FGF6: variants seen among roughly 807,000 people sequenced by gnomAD.
The protein encoded by FGF6 is fibroblast growth factor 6.
Under a neutral mutation model 18.4 loss-of-function variants are expected in FGF6, and 14 were observed. That is an observed-to-expected ratio of 0.76 (90% CI 0.50 to 1.19). The LOEUF (loss-of-function observed/expected upper bound fraction) is 1.19. Ranked by LOEUF, FGF6 falls within the 50% of genes most tolerant of loss-of-function variation. FGF6 has a pLI of 0.00. For missense variants in FGF6, 266 were observed against 271.6 expected (o/e 0.98, Z 0.15); for synonymous variants, 125 against 116.7 (o/e 1.07, Z -0.46).
intron 2 of FGF6, 96 bp from the exon 3 acceptor site, chr12:4,434,487 T>C (rs1245274392): frequency 1.8e-6 from 2 of 1,142,124 alleles, no homozygotes; most frequent in Non-Finnish European, 2.6e-6. Context: ...CTCTGCCAGG[T>C]GCCCTTCCCT....
chr12:4,439,160 A>G (rs1181459833), intron 2 of FGF6, among the ~76,000 whole-genome samples: 1 of 152,130 alleles, frequency 6.6e-6, no homozygotes, highest in Non-Finnish European at 1.5e-5. Context: ...TACGTAAATT[A>G]TTTAAAGTGG....
rs558745419 is a variant in FGF6 at position 4,437,650 on chromosome 12, C to A, written c.451-3259G>T. On this transcript the variant is annotated intron_variant, in intron 2 of 2. Coordinates refer to ENST00000228837, the MANE Select transcript of FGF6 (RefSeq NM_020996.3). ...CATAGAGTCCAGCAGTAGATCCCAACACATACATGGATGTAAAATGAAATT... is the reference window on the plus strand; with the variant it reads ...CATAGAGTCCAGCAGTAGATCCCAAAACATACATGGATGTAAAATGAAATT... 3.8e-4 allele frequency among the ~76,000 whole-genome samples: 58 copies of A among 152,248 alleles called. 1 individual carries two copies. The highest frequency in any genetic ancestry group is 1.3e-3 in the African/African-American group (54 of 41,522).
At chr12:4,444,086 G>T in intron 2 of FGF6, 47 bp downstream of exon 2, 1 of 1,191,558 alleles carries the variant, frequency 8.4e-7, no homozygotes, top group Non-Finnish European at 1.2e-6. Flanking sequence ...AACTGTGTAA[G>T]CATCAAGCCT....
At chr12:4,440,885 C>G (rs1297609791) in intron 2 of FGF6, among the ~76,000 whole-genome samples, 1 of 151,624 alleles carries the variant, frequency 6.6e-6, no homozygotes, top group Non-Finnish European at 1.5e-5. Flanking sequence ...CCTTGTAATG[C>G]CCCAGATAAT....
At chr12:4,434,458 G>A in intron 2 of FGF6, 67 bp from the exon 3 acceptor site, 1 of 1,536,704 alleles carries the variant, frequency 6.5e-7, no homozygotes, top group Non-Finnish European at 9.0e-7. Context: ...ATGCCAGCTG[G>A]GCCGCAGAGA....
At chr12:4,435,539 A>G (rs939705322) in intron 2 of FGF6, among the ~76,000 whole-genome samples, 10 of 152,144 alleles carry the variant, frequency 6.6e-5, no homozygotes, top group Non-Finnish European at 1.2e-4. Context: ...GCTGTCCAAG[A>G]CAATCATAGT....
intron 2 of FGF6, among the ~76,000 whole-genome samples, chr12:4,443,887 G>A (rs561244101): frequency 1.3e-5 from 2 of 152,158 alleles, no homozygotes; most frequent in African/African-American, 2.4e-5. Flanking sequence ...TGTGGTTTCC[G>A]TTTAAGCACA....
chr12:4,435,013 C>T (rs1010563769), intron 2 of FGF6, among the ~76,000 whole-genome samples: 1 of 151,870 alleles, frequency 6.6e-6, no homozygotes, highest in South Asian at 2.1e-4. Context: ...CTGCCTGTCT[C>T]TTTGTTTCTG....
intron 2 of FGF6, among the ~76,000 whole-genome samples, chr12:4,439,287 C>A (rs17177291): frequency 0.03 from 4,519 of 152,244 alleles, 233 homozygotes; most frequent in African/African-American, 0.1. Flanking sequence ...CAGCCTCCCC[C>A]CTGTTCTAAC....
intron 2 of FGF6, among the ~76,000 whole-genome samples, chr12:4,436,335 A>T (rs1865627642): frequency 6.6e-6 from 1 of 152,114 alleles, no homozygotes; most frequent in Admixed American, 6.5e-5. Flanking sequence ...AATAGCGACA[A>T]CATGGCTGGT....
rs777794822 is a variant in FGF6, at chr12:4,444,117, G to A, written c.450+16C>T. On this transcript the variant is annotated intron_variant, in intron 2 of 2. Transcript: ENST00000228837. ...AGCCTTGTAAACCTGGCACTTCCCC[G>A]GCCTGGTGAACTCACCGTTGCGTAC... 42 of 1,554,788 alleles carry A rather than the reference G, an allele frequency of 2.7e-5. No individual in the cohort carries two copies. The East Asian group carries it at 4.9e-4, about 18-fold the overall frequency.
chr12:4,438,984 G>A (rs988501454), intron 2 of FGF6, among the ~76,000 whole-genome samples: 3 of 152,118 alleles, frequency 2.0e-5, no homozygotes, highest in Non-Finnish European at 4.4e-5. Flanking sequence ...GCACGTGTGC[G>A]TTAGCTATTT....
chr12:4,435,001 C>A (rs893587814), intron 2 of FGF6, among the ~76,000 whole-genome samples: 1 of 151,920 alleles, frequency 6.6e-6, no homozygotes, highest in Admixed American at 6.6e-5. Context: ...CCCTTTCCAG[C>A]ACTGCCTGTC....
chr12:4,442,011 G>A (rs1029347600), intron 2 of FGF6, among the ~76,000 whole-genome samples: 1 of 151,980 alleles, frequency 6.6e-6, no homozygotes. Flanking sequence ...GGTCCAGGGA[G>A]GAGAATCTCC....
intron 2 of FGF6, among the ~76,000 whole-genome samples, chr12:4,436,734 C>T (rs1378106776): frequency 4.6e-5 from 7 of 152,204 alleles, no homozygotes; most frequent in Non-Finnish European, 5.9e-5. Context: ...TATGGGAACA[C>T]GGTGAAACTG....
At chr12:4,441,001 G>A (rs1865683733) in intron 2 of FGF6, among the ~76,000 whole-genome samples, 2 of 152,200 alleles carry the variant, frequency 1.3e-5, no homozygotes, top group South Asian at 4.1e-4. Flanking sequence ...TTTGTCCTTT[G>A]CACATTGTCA....
intron 2 of FGF6, among the ~76,000 whole-genome samples, chr12:4,441,856 G>C (rs1470478756): frequency 1.3e-5 from 2 of 152,070 alleles, no homozygotes; most frequent in Non-Finnish European, 2.9e-5. Context: ...TTTAGACTGT[G>C]ATAACGGCCT....
chr12:4,444,315 G>A (rs1342754645), intron 1 of FGF6, 79 bp from the exon 2 acceptor site: 2 of 896,540 alleles, frequency 2.2e-6, no homozygotes, highest in African/African-American at 3.3e-5. Context: ...GGGCATCTCA[G>A]TCCATCCCCC....
intron 2 of FGF6, among the ~76,000 whole-genome samples, chr12:4,441,482 G>T (rs560108406): frequency 1.2e-4 from 18 of 152,260 alleles, no homozygotes; most frequent in African/African-American, 4.1e-4. Context: ...CTGTGAATCC[G>T]AGCACAAGCA....
Sources: gnomAD v4.1 joint callset for allele counts (sites outside exome capture counted in the v4.1 genomes callset) on GRCh38, gnomAD v4.1.1 for gene constraint, MANE v1.5 for transcripts, NCBI Gene and HGNC (gene_info 2026-07-23, HGNC 2026-07-21) for gene names.